ZNF184: variants seen among roughly 807,000 people sequenced by gnomAD.
ZNF184 encodes zinc finger protein 184, also known as zinc finger protein 184 (Kruppel-like).
Under a neutral mutation model 54.4 loss-of-function variants are expected in ZNF184, and 16 were observed. The ratio of observed to expected loss-of-function variants is 0.29; its 90% CI spans 0.20 to 0.45. The LOEUF is 0.45. Ranked by LOEUF, ZNF184 falls within the 20% of genes least tolerant of loss-of-function variation. The probability of loss-of-function intolerance (pLI) is 1.00; values close to 1 mark genes in which losing one functional copy is unlikely to be tolerated. For synonymous variants in ZNF184, 254 were observed against 295.3 expected, an observed-to-expected ratio of 0.86 and a Z score of 1.43; for missense variants, 681 against 888.2, an observed-to-expected ratio of 0.77 and a Z score of 2.97.
rs1220772220 is a variant in ZNF184 at position 27,467,854 on chromosome 6, T to C, written c.74A>G (p.Gln25Arg). 4 of 1,610,896 alleles carry C rather than the reference T, an allele frequency of 2.5e-6. No homozygotes were observed. The highest frequency in any genetic ancestry group is 2.5e-6 in the Non-Finnish European group (3 of 1,178,620). ...GCATTTCAAGAAACCACATCTTACC[T>C]GAAAACTGGCTGATGAGAGTAGATT... ...GHNLLSSASF[Q>R]EAVTFKDVIV... The change falls in exon 3 of 6, where the codon CAG becomes CGG. Residue 25 changes from glutamine to arginine, a missense_variant and splice_region_variant. Gln to Arg is a conservative substitution (Grantham distance 43). Coordinates refer to ENST00000683788, the MANE Select transcript of ZNF184 (RefSeq NM_001318891.2).
At chr6:27,445,791 G>A (rs1243263685), downstream of ZNF184, among the ~76,000 whole-genome samples, 1 of 151,794 alleles carries the variant, frequency 6.6e-6, no homozygotes, top group African/African-American at 2.4e-5. Flanking sequence ...GAAATGAGGA[G>A]CAAGGTATTG....
the ZNF184 span, chr6:27,404,526 T>C: frequency 2.6e-5 from 4 of 152,098 alleles, no homozygotes; most frequent in Admixed American, 2.0e-4. Flanking sequence ...GAAGAAACTC[T>C]CTTTGTAGAT....
the ZNF184 span, among the ~76,000 whole-genome samples, chr6:27,444,499 A>G: frequency 6.6e-6 from 1 of 152,168 alleles, no homozygotes; most frequent in African/African-American, 2.4e-5. Flanking sequence ...CCTCAACTCC[A>G]TGTCCTCTTC....
chr6:27,452,976 T>C lies in ZNF184; in HGVS notation c.583A>G (p.Thr195Ala), dbSNP rs1762771120. 5 of 1,614,082 alleles carry C rather than the reference T, an allele frequency of 3.1e-6. No individual in the cohort carries two copies. Among genetic ancestry groups the C allele is most frequent in the Non-Finnish European group, 4.2e-6 (5 of 1,180,028 alleles). Reference sequence around the variant, plus strand: ...GTCTCTTCTGGAGATGGTTCTTGTGTTACAAGGTTTGAACTCACATTGACA... The same window carrying C: ...GTCTCTTCTGGAGATGGTTCTTGTGCTACAAGGTTTGAACTCACATTGACA... ...KSVNVSSNLV[T>A]QEPSPEETST... Residue 195 changes from threonine to alanine, a missense_variant, in exon 6 of 6, where the codon ACA becomes GCA. Thr to Ala is a moderately conservative substitution (Grantham distance 58). Coordinates refer to ENST00000683788, the MANE Select transcript of ZNF184 (RefSeq NM_001318891.2). This position sits in a 1 kb window ranked among gnomAD's most constrained non-coding sequence, Gnocchi z 5.5.
chr6:27,417,945 G>A, the ZNF184 span, among the ~76,000 whole-genome samples: 1 of 152,114 alleles, frequency 6.6e-6, no homozygotes, highest in East Asian at 1.9e-4. Context: ...TATGGACAGG[G>A]GCTGACCAAC....
chr6:27,427,885 CT>C, the ZNF184 span, among the ~76,000 whole-genome samples: 1 of 152,190 alleles, frequency 6.6e-6, no homozygotes, highest in African/African-American at 2.4e-5. Flanking sequence ...CCTAAAAAGT[CT>C]GGTAAATGCC....
chr6:27,431,802 C>T, the ZNF184 span, among the ~76,000 whole-genome samples: 1 of 152,142 alleles, frequency 6.6e-6, no homozygotes, highest in Non-Finnish European at 1.5e-5. Context: ...ATCAAGGACT[C>T]ACATTGGGGT....
chr6:27,404,435 A>C, the ZNF184 span: 1 of 152,196 alleles, frequency 6.6e-6, no homozygotes, highest in Non-Finnish European at 1.5e-5. Flanking sequence ...GGCAGATGCG[A>C]AGATTGTTCT....
chr6:27,447,028 C>T (rs567592734), downstream of ZNF184, among the ~76,000 whole-genome samples: 4 of 150,422 alleles, frequency 2.7e-5, no homozygotes, highest in Non-Finnish European at 5.9e-5. Context: ...GCCTGTAATC[C>T]CAGCTACTCA....
rs1169330623 is a variant in ZNF184, at chr6:27,452,700, A to T, written c.859T>A (p.Phe287Ile). ...PYKCDQCGKGFIEGPSLTQHQ... is the reference protein window; with the variant it reads ...PYKCDQCGKGIIEGPSLTQHQ... ...TGAGTAAGAGATGGACCCTCAATGA[A>T]GCCTTTTCCACACTGATCACATTTA... is the stretch of plus-strand genomic sequence containing the variant. The change falls in exon 6 of 6, where the codon TTC becomes ATC. Residue 287 changes from phenylalanine (F) to isoleucine (I), a missense_variant. Coordinates refer to ENST00000683788, the MANE Select transcript of ZNF184 (RefSeq NM_001318891.2). The surrounding 1 kb of genome is among the most constrained non-coding windows in gnomAD (Gnocchi z 5.5). 6.2e-7 allele frequency: 1 copy of T among 1,614,040 alleles called. No homozygotes were observed. Among genetic ancestry groups the T allele is most frequent in the Non-Finnish European group, 8.5e-7 (1 of 1,180,016 alleles).
chr6:27,410,965 G>A, the ZNF184 span, among the ~76,000 whole-genome samples: 7 of 152,312 alleles, frequency 4.6e-5, no homozygotes, highest in South Asian at 2.1e-4. Context: ...TTAAAACAGC[G>A]GTATTGGGAA....
At chr6:27,456,020 C>T (rs1197463247) in intron 5 of ZNF184, among the ~76,000 whole-genome samples, 4 of 152,042 alleles carry the variant, frequency 2.6e-5, no homozygotes, top group Non-Finnish European at 4.4e-5. Context: ...CACTTTGAGA[C>T]GCTGAGGCGG....
At chr6:27,448,781 A>AT (rs1762667401), downstream of ZNF184, among the ~76,000 whole-genome samples, 3 of 150,132 alleles carry the variant, frequency 2.0e-5, no homozygotes, top group Non-Finnish European at 4.4e-5. Flanking sequence ...TTTTTCCCCC[A>AT]TATCAAGCAT....
chr6:27,465,063 G>A (rs547401507), intron 3 of ZNF184, among the ~76,000 whole-genome samples: 2 of 145,230 alleles, frequency 1.4e-5, no homozygotes, highest in African/African-American at 5.2e-5. Context: ...GTGAGGACAT[G>A]AGGAGGTGGC....
the ZNF184 span, among the ~76,000 whole-genome samples, chr6:27,409,312 AC>A: frequency 1.3e-5 from 2 of 152,028 alleles, no homozygotes; most frequent in East Asian, 3.9e-4. Flanking sequence ...ATCCTGGCTA[AC>A]ATGGTGAAAC....
chr6:27,418,360 T>G, the ZNF184 span, among the ~76,000 whole-genome samples: 1 of 152,236 alleles, frequency 6.6e-6, no homozygotes, highest in Non-Finnish European at 1.5e-5. Flanking sequence ...TCCCAGTCCT[T>G]GAGTTCCAGG....
intron 3 of ZNF184, among the ~76,000 whole-genome samples, chr6:27,466,891 T>C (rs1477670309): frequency 2.0e-5 from 3 of 152,186 alleles, no homozygotes; most frequent in Non-Finnish European, 4.4e-5. Flanking sequence ...TTAAAAATCA[T>C]TAATGGTTCA....
the ZNF184 span, chr6:27,404,244 A>C: frequency 6.6e-6 from 1 of 152,218 alleles, no homozygotes; most frequent in Non-Finnish European, 1.5e-5. Context: ...GGAAAAAAAT[A>C]TGTCCATTCT....
At position 27,453,195 on chromosome 6, in the gene ZNF184, A is replaced by C; in HGVS notation, c.364T>G (p.Ser122Ala). 1.2e-6 allele frequency: 2 copies of C among 1,613,422 alleles called. No individual in the cohort carries two copies. The highest frequency in any genetic ancestry group is 1.7e-6 in the Non-Finnish European group (2 of 1,179,746). Reference sequence around the variant, plus strand: ...TGTTTTTCCACTATTACCTCTGGAGATAGCTCTTCTTCAGAAATGTCAGGC... The same window carrying C: ...TGTTTTTCCACTATTACCTCTGGAGCTAGCTCTTCTTCAGAAATGTCAGGC... ...PEPDISEEEL[S>A]PEVIVEKHKR... Residue 122 changes from serine (S) to alanine (A), a missense_variant, in exon 6 of 6, where the codon TCT becomes GCT. By Grantham distance (99) the Ser-to-Ala change is moderately conservative (BLOSUM62 1). Coordinates refer to ENST00000683788, the MANE Select transcript of ZNF184 (RefSeq NM_001318891.2). The surrounding 1 kb of genome is among the most constrained non-coding windows in gnomAD (Gnocchi z 4.7).
Sources: allele counts gnomAD v4.1 joint callset (sites outside exome capture counted in the v4.1 genomes callset), GRCh38; gene constraint gnomAD v4.1.1; non-coding constraint Gnocchi (gnomAD v3.1); transcripts MANE v1.5; gene names NCBI Gene and HGNC (gene_info 2026-07-23, HGNC 2026-07-21).